The following WDTC1 variants were observed in gnomAD, a reference collection of about 807,000 sequenced individuals.
The protein encoded by WDTC1 is WD and tetratricopeptide repeats protein 1.
Under a neutral mutation model 76.0 loss-of-function variants are expected in WDTC1, and 12 were observed. The observed-to-expected ratio is 0.16, with a 90% CI of 0.10 to 0.26. The LOEUF (loss-of-function observed/expected upper bound fraction) is 0.26, where lower values mean the gene tolerates loss of function less well. WDTC1 is among the 10% of genes least tolerant of loss of function. The pLI is 1.00. For synonymous variants in WDTC1, 326 were observed against 350.8 expected (o/e 0.93, Z 0.79); for missense variants, 511 against 908.8 (o/e 0.56, Z 5.63).
chr1:27,304,969 C>T, intron 14 of WDTC1, 32 bp from the exon 15 acceptor site: 1 of 1,594,082 alleles, frequency 6.3e-7, no homozygotes. Context: ...CAGTACCCCA[C>T]CTGACCTCCC....
chr1:27,281,929 T>C (rs1034288340), intron 3 of WDTC1, among the ~76,000 whole-genome samples: 1 of 152,078 alleles, frequency 6.6e-6, no homozygotes, highest in Admixed American at 6.6e-5. Flanking sequence ...AAAGCAGAAA[T>C]GTGTTTGGAT....
At chr1:27,300,497 C>T (rs1177078381) in intron 12 of WDTC1, among the ~76,000 whole-genome samples, 3 of 152,100 alleles carry the variant, frequency 2.0e-5, no homozygotes, top group East Asian at 1.9e-4. Flanking sequence ...CCTCTTTCCC[C>T]GCTTCCCCAT....
Position 27,292,309 on chromosome 1 carries a change from G to C in WDTC1, c.574G>C (p.Val192Leu), listed in dbSNP as rs1468735882. The C allele has an allele frequency of 1.2e-6, 2 of 1,613,388 alleles. No homozygotes were observed. The highest frequency in any genetic ancestry group is 8.5e-7 in the Non-Finnish European group (1 of 1,179,706). Residue 192 changes from valine to leucine, a missense_variant, in exon 7 of 16, where the codon GTC becomes CTC. By Grantham distance (32) the Val-to-Leu change is conservative. Transcript: ENST00000319394. ...GCTGGTGGAGGCCAAGTGCCTCACT[G>C]TCAACCCCCAGGACAACAACTGCCT... ...GQLVEAKCLT[V>L]NPQDNNCLAV...
chr1:27,250,963 T>C (rs888726717), intron 1 of WDTC1, among the ~76,000 whole-genome samples: 1 of 148,004 alleles, frequency 6.8e-6, no homozygotes, highest in African/African-American at 2.5e-5. Flanking sequence ...GCCTCCCAGG[T>C]TCAAGCGATT....
At chr1:27,240,530 G>A (rs566109810) in intron 1 of WDTC1, among the ~76,000 whole-genome samples, 1 of 152,258 alleles carries the variant, frequency 6.6e-6, no homozygotes, top group South Asian at 2.1e-4. Flanking sequence ...CCAGGGCTTG[G>A]ATGTAAAGGA....
intron 1 of WDTC1, among the ~76,000 whole-genome samples, chr1:27,252,010 T>C (rs2012082350): frequency 6.6e-6 from 1 of 151,772 alleles, no homozygotes; most frequent in East Asian, 1.9e-4. Context: ...ATCGCGCCAC[T>C]GCACTCCAGC....
chr1:27,298,350 A>G (rs2013745279), intron 12 of WDTC1, among the ~76,000 whole-genome samples: 1 of 152,242 alleles, frequency 6.6e-6, no homozygotes, highest in Admixed American at 6.5e-5. Context: ...TACGTGGAAC[A>G]TGTTCAAAAC....
At position 27,301,911 on chromosome 1, in the gene WDTC1, G is replaced by C. The variant is rs988703609; in HGVS notation, c.1468+450G>C. On this transcript the variant is annotated intron_variant, in intron 13 of 15. Coordinates refer to ENST00000319394, the MANE Select transcript of WDTC1 (RefSeq NM_001276252.2). The surrounding 1 kb of genome is among the most constrained non-coding windows in gnomAD (Gnocchi z 5.8). ...GAGCAGTAGAAATGCCTCAGGCTTG[G>C]AATGTGGGGCCTCGGTTCCAAATGC... 2.0e-5 allele frequency among the ~76,000 whole-genome samples: 3 copies of C among 152,184 alleles called. No homozygotes were observed. Among genetic ancestry groups the C allele is most frequent in the Non-Finnish European group, 4.4e-5 (3 of 68,036 alleles).
intron 1 of WDTC1, among the ~76,000 whole-genome samples, 185 bp downstream of exon 1, chr1:27,235,136 G>T (rs1399748122): frequency 1.3e-5 from 2 of 152,034 alleles, no homozygotes; most frequent in Non-Finnish European, 2.9e-5. Flanking sequence ...GCGGAGGGCA[G>T]AGTGGTCCGG....
chr1:27,251,143 G>T (rs1381962832), intron 1 of WDTC1, among the ~76,000 whole-genome samples: 1 of 136,248 alleles, frequency 7.3e-6, no homozygotes, highest in Non-Finnish European at 1.5e-5. Context: ...TGCCCACCTT[G>T]GCCTCCCAAA....
Position 27,283,396 on chromosome 1 carries a change from A to C in WDTC1, c.238A>C (p.Lys80Gln). The C allele has an allele frequency of 6.2e-7, 1 of 1,613,768 alleles. No individual in the cohort carries two copies. Among genetic ancestry groups the C allele is most frequent in the Non-Finnish European group, 8.5e-7 (1 of 1,180,024 alleles). Residue 80 changes from lysine (K) to glutamine (Q), a missense_variant, in exon 5 of 16, where the codon AAG becomes CAG. Physicochemically the swap from Lys to Gln is moderately conservative, Grantham distance 53. Coordinates refer to ENST00000319394, the MANE Select transcript of WDTC1 (RefSeq NM_001276252.2). ...HTIVWDPLHH[K>Q]KLLSMHTGHT... ...GATTGTGTGGGACCCGCTGCACCAC[A>C]AGAAGCTGCTCTCCATGCACACGGG...
In WDTC1 at chr1:27,253,277, A is replaced by G. The variant is rs909261319; in HGVS notation, c.-99-7679A>G. Among the ~76,000 whole-genome samples the G allele has an allele frequency of 3.3e-5, 5 of 151,902 alleles. No homozygotes were observed. In the East Asian group the frequency reaches 9.7e-4, roughly 29 times the overall value. ...TGATCTGCCCACCTTGGCCTTCCAA[A>G]GTGCTGGGATTACAGGTGTGAGCCA... On this transcript the variant is annotated intron_variant, in intron 1 of 15. Transcript: ENST00000319394.
Position 27,308,548 on chromosome 1 carries a change from C to T in WDTC1, c.*2165C>T, listed in dbSNP as rs567225826. The stretch of plus-strand genomic sequence containing the variant: ...CCATTTTACATTGTGACCCAATATA[C>T]ACATGATTACTTGTAGATATGTGTG... On this transcript the variant is annotated 3_prime_UTR_variant, in exon 16 of 16. Transcript: ENST00000319394. 3 of 152,184 alleles carry T rather than the reference C, an allele frequency of 2.0e-5. No homozygotes were observed. The highest frequency in any genetic ancestry group is 2.0e-4 in the Admixed American group (3 of 15,288). 9.4% of individuals were successfully genotyped at this position (152,184 alleles called of 1,614,324 possible).
Position 27,294,569 on chromosome 1 carries a change from C to A in WDTC1, c.813C>A (p.Ala271=), listed in dbSNP as rs778413512. 1 of 1,614,142 alleles carries A rather than the reference C, an allele frequency of 6.2e-7. No homozygotes were observed. The highest frequency in any genetic ancestry group is 8.5e-7 in the Non-Finnish European group (1 of 1,180,028). ...DYNNRLRVLV[A]TYVTFSPNGT... Reference sequence around the variant, plus strand: ...ACAACCGTTTGAGAGTGCTGGTTGCCACCTATGTGACCTTCAGCCCCAATG... The same window carrying A: ...ACAACCGTTTGAGAGTGCTGGTTGCAACCTATGTGACCTTCAGCCCCAATG... The change falls in exon 9 of 16, where the codon GCC becomes GCA. Residue 271 remains alanine, a synonymous_variant. Coordinates refer to ENST00000319394, the MANE Select transcript of WDTC1 (RefSeq NM_001276252.2).
In WDTC1 at chr1:27,307,513, C is replaced by T. The variant is rs545409407; in HGVS notation, c.*1130C>T. 1 of 153,810 alleles carries T rather than the reference C, an allele frequency of 6.5e-6. No homozygotes were observed. The highest frequency in any genetic ancestry group is 2.4e-5 in the African/African-American group (1 of 41,560). 9.5% of individuals were successfully genotyped at this position (153,810 alleles called of 1,614,324 possible). A position where few individuals can be genotyped will look rare whatever the true frequency, so the allele number is the denominator to read the frequency against. ...AGGTAGTTGGTTCATCCTTCCCCCT[C>T]TCTCCCTCCCTGCTTCCCCTTCAGT... On this transcript the variant is annotated 3_prime_UTR_variant, in exon 16 of 16. Coordinates refer to ENST00000319394, the MANE Select transcript of WDTC1 (RefSeq NM_001276252.2). The surrounding 1 kb of genome is among the most constrained non-coding windows in gnomAD (Gnocchi z 4.1).
intron 3 of WDTC1, among the ~76,000 whole-genome samples, chr1:27,279,609 C>T (rs2147956848): frequency 6.6e-6 from 1 of 152,210 alleles, no homozygotes; most frequent in East Asian, 1.9e-4. Context: ...CTCTGTTGCC[C>T]AGGCTGGAGT....
intron 1 of WDTC1, among the ~76,000 whole-genome samples, chr1:27,250,103 G>T (rs190087703): frequency 8.9e-4 from 135 of 152,248 alleles, no homozygotes; most frequent in Non-Finnish European, 1.6e-3. Flanking sequence ...TATAACAGGG[G>T]TTACCAGGTT....
At position 27,269,742 on chromosome 1, in the gene WDTC1, G is replaced by A. The variant is rs188869193; in HGVS notation, c.132+6507G>A. On this transcript the variant is annotated intron_variant, in intron 3 of 15. Transcript: ENST00000319394. ...GAATTCTGCCTCAGCCTCCTGAGTA[G>A]CTGGGACTACAGGTGTGCACCACCA... Among the ~76,000 whole-genome samples the A allele has an allele frequency of 4.0e-5, 6 of 150,082 alleles. No individual in the cohort carries two copies. In the Admixed American group the frequency reaches 4.0e-4, roughly 10 times the overall value.
intron 8 of WDTC1, among the ~76,000 whole-genome samples, 163 bp downstream of exon 8, chr1:27,294,279 T>G (rs1570982194): frequency 6.6e-6 from 1 of 152,186 alleles, no homozygotes; most frequent in East Asian, 1.9e-4. Context: ...CTATGTCACC[T>G]TCAGCAAATT....
Sources: gnomAD v4.1 joint callset for allele counts (sites outside exome capture counted in the v4.1 genomes callset) on GRCh38, gnomAD v4.1.1 for gene constraint, Gnocchi (gnomAD v3.1) non-coding constraint, MANE v1.5 for transcripts, NCBI Gene and HGNC (gene_info 2026-07-23, HGNC 2026-07-21) for gene names.